The following KATNAL2 variants were observed in gnomAD, a reference collection of about 807,000 sequenced individuals.
KATNAL2 encodes the protein katanin p60 ATPase-containing subunit A-like 2.
In KATNAL2, 52 loss-of-function variants were observed where a neutral mutation model predicts 76.3. That is an observed-to-expected ratio of 0.68 (90% CI 0.55 to 0.86). The LOEUF (loss-of-function observed/expected upper bound fraction) is 0.86, where lower values mean the gene tolerates loss of function less well. Among genes scored for constraint, KATNAL2 ranks in the 40% least tolerant of loss-of-function variants. KATNAL2 has a pLI of 0.00. For synonymous variants in KATNAL2, 243 were observed against 244.2 expected (o/e 1.00, Z 0.05); for missense variants, 660 against 668.9 (o/e 0.99, Z 0.15).
chr18:47,033,618 C>A (rs762156495), intron 3 of KATNAL2: 1 of 1,614,186 alleles, frequency 6.2e-7, no homozygotes. Context: ...AGTAGGGGAC[C>A]TCTCCCACGT....
In KATNAL2 at chr18:47,033,446, G is replaced by T. The variant is rs181838893; in HGVS notation, c.52-13011G>T. On this transcript the variant is annotated intron_variant, in intron 3 of 17. Transcript: ENST00000683218. The stretch of plus-strand genomic sequence containing the variant: ...GGGGCGTCCGGAAGCCGCAGGTACT[G>T]CTCCCTCCAAGTTTTGTTTTCCTGT... The T allele has an allele frequency of 6.8e-6, 11 of 1,613,922 alleles. No individual in the cohort carries two copies. In the Admixed American group the frequency reaches 1.5e-4, roughly 22 times the overall value.
rs750709978 is a variant in KATNAL2, at chr18:47,034,024, G to T, written c.52-12433G>T. The T allele has an allele frequency of 8.1e-6, 13 of 1,614,054 alleles. No homozygotes were observed. The highest frequency in any genetic ancestry group is 1.0e-5 in the Non-Finnish European group (12 of 1,180,040). On this transcript the variant is annotated intron_variant, in intron 3 of 17. Coordinates refer to ENST00000683218, the MANE Select transcript of KATNAL2 (RefSeq NM_001387690.1). ...CTCACGAGTGCCCTTGGATTCGTTTGCTTTCCTTTGTTTATCTCCAAGTGC... is the reference window on the plus strand; with the variant it reads ...CTCACGAGTGCCCTTGGATTCGTTTTCTTTCCTTTGTTTATCTCCAAGTGC...
chr18:47,031,368 A>T (rs983878244), intron 3 of KATNAL2, among the ~76,000 whole-genome samples: 6 of 151,488 alleles, frequency 4.0e-5, no homozygotes, highest in African/African-American at 1.2e-4. Flanking sequence ...TGTCGTTGGC[A>T]GTTTCGCGTA....
chr18:47,071,961 T>C (rs1283798502), intron 13 of KATNAL2, among the ~76,000 whole-genome samples: 9,933 of 67,906 alleles, frequency 0.15, 1,498 homozygotes, highest in Non-Finnish European at 0.21. Context: ...TTCTTTTTTT[T>C]TTTTTTTTTT....
chr18:47,069,824 C>A (rs1279186004), intron 13 of KATNAL2, among the ~76,000 whole-genome samples: 1 of 152,108 alleles, frequency 6.6e-6, no homozygotes, highest in African/African-American at 2.4e-5. Context: ...GGAATTTGAT[C>A]AACAGCTCTT....
intron 3 of KATNAL2, chr18:47,034,167 C>G (rs2060637718): frequency 6.2e-7 from 1 of 1,614,228 alleles, no homozygotes. Flanking sequence ...CCTCCTCCAC[C>G]TCAGAGAGGG....
At chr18:47,068,889 T>C (rs560084939) in intron 11 of KATNAL2, among the ~76,000 whole-genome samples, 339 of 152,332 alleles carry the variant, frequency 2.2e-3, no homozygotes, top group African/African-American at 7.8e-3. Flanking sequence ...ATGCTCTCCG[T>C]ATAGAAGTCT....
intron 11 of KATNAL2, 39 bp downstream of exon 11, chr18:47,067,158 C>A: frequency 9.6e-7 from 1 of 1,040,210 alleles, no homozygotes. Flanking sequence ...TTTCTGTTCA[C>A]TATCCATTGG....
At chr18:47,034,798 T>C (rs2060684565) in intron 3 of KATNAL2, 4 of 1,612,374 alleles carry the variant, frequency 2.5e-6, no homozygotes, top group Non-Finnish European at 3.4e-6. Flanking sequence ...TCTGGGGCAC[T>C]TTCTCTCAGC....
At chr18:46,929,199 C>T (rs2058829268) in intron 1 of KATNAL2, among the ~76,000 whole-genome samples, 1 of 151,486 alleles carries the variant, frequency 6.6e-6, no homozygotes, top group Non-Finnish European at 1.5e-5. Flanking sequence ...TTAAATTCAG[C>T]ATAAATTATT....
chr18:46,940,005 G>A (rs2059201805), intron 1 of KATNAL2, among the ~76,000 whole-genome samples: 1 of 152,220 alleles, frequency 6.6e-6, no homozygotes, highest in African/African-American at 2.4e-5. Flanking sequence ...GGAAACTTGA[G>A]TAAGGCAGTC....
rs531442762 is a variant in KATNAL2, at chr18:47,094,461, C to A, written c.1212-4782C>A. On this transcript the variant is annotated intron_variant, in intron 15 of 17. Coordinates refer to ENST00000683218, the MANE Select transcript of KATNAL2 (RefSeq NM_001387690.1). ...TTTTCTCCAAGATTCTTTTTATTTT[C>A]CACCATTAATTTGTGTTGGGCTCTG... Among the ~76,000 whole-genome samples, 16 of 152,212 alleles carry A rather than the reference C, an allele frequency of 1.1e-4. No individual in the cohort carries two copies. In the East Asian group the frequency reaches 2.9e-3, roughly 28 times the overall value.
chr18:46,935,765 A>T (rs551632061), intron 1 of KATNAL2, among the ~76,000 whole-genome samples: 1 of 152,126 alleles, frequency 6.6e-6, no homozygotes, highest in East Asian at 1.9e-4. Flanking sequence ...AAAATACAAA[A>T]ATTAGCCAGG....
intron 3 of KATNAL2, among the ~76,000 whole-genome samples, chr18:46,961,107 G>C (rs1183202598): frequency 2.0e-5 from 3 of 152,216 alleles, no homozygotes; most frequent in Non-Finnish European, 4.4e-5. Flanking sequence ...ACAATGTCTG[G>C]AATTTACAGA....
intron 1 of KATNAL2, among the ~76,000 whole-genome samples, chr18:46,931,703 A>G (rs1467918483): frequency 6.6e-6 from 1 of 150,552 alleles, no homozygotes; most frequent in African/African-American, 2.4e-5. Flanking sequence ...AGGAAGGAAG[A>G]GAGAGAGAAA....
intron 10 of KATNAL2, among the ~76,000 whole-genome samples, chr18:47,065,062 A>G (rs1295479806): frequency 6.6e-6 from 1 of 152,208 alleles, no homozygotes; most frequent in African/African-American, 2.4e-5. Flanking sequence ...GCCTGCATGT[A>G]GATCCAGGCT....
chr18:47,039,782 C>A (rs181922830), intron 3 of KATNAL2, among the ~76,000 whole-genome samples: 3 of 152,140 alleles, frequency 2.0e-5, no homozygotes, highest in Admixed American at 6.5e-5. Context: ...AATGCATGTA[C>A]GAAGCAACTA....
chr18:47,063,677 AAAG>A (rs2147158252), intron 10 of KATNAL2, among the ~76,000 whole-genome samples: 1 of 152,332 alleles, frequency 6.6e-6, no homozygotes, highest in African/African-American at 2.4e-5. Context: ...AAAGCCTCTT[AAAG>A]AAGAAAAGAG....
At chr18:47,063,485 C>G (rs34083574) in intron 10 of KATNAL2, 124 bp downstream of exon 10, 49 of 652,312 alleles carry the variant, frequency 7.5e-5, no homozygotes, top group South Asian at 4.6e-4. Context: ...CCCCCACTTG[C>G]GCAGGCACTC....
Sources: allele counts gnomAD v4.1 joint callset (sites outside exome capture counted in the v4.1 genomes callset), GRCh38; gene constraint gnomAD v4.1.1; transcripts MANE v1.5; gene names NCBI Gene and HGNC (gene_info 2026-07-23, HGNC 2026-07-21).